PGAP2: variants seen among roughly 807,000 people sequenced by gnomAD.
PGAP2 encodes post-GPI attachment to proteins 2, also known as acyltransferase PGAP2.
A neutral mutation model predicts 33.2 loss-of-function variants in PGAP2; 21 were observed. The ratio of observed to expected loss-of-function variants is 0.63; its 90% CI spans 0.45 to 0.91. The LOEUF (loss-of-function observed/expected upper bound fraction) is 0.91. Among genes scored for constraint, PGAP2 ranks in the 40% least tolerant of loss-of-function variants. The pLI, the probability that PGAP2 is intolerant of heterozygous loss-of-function variation, is 0.00. For synonymous variants in PGAP2, 161 were observed against 172.9 expected, an observed-to-expected ratio of 0.93 and a Z score of 0.54; for missense variants, 345 against 424.0, an observed-to-expected ratio of 0.81 and a Z score of 1.64.
intron 2 of PGAP2, among the ~76,000 whole-genome samples, chr11:3,813,620 A>G (rs1208681926): frequency 2.6e-5 from 4 of 152,108 alleles, no homozygotes; most frequent in African/African-American, 9.7e-5. Context: ...CCTGACCTCA[A>G]GTGATCCTCC....
rs368793106 is a variant in PGAP2, at chr11:3,824,325, C to A, written c.657C>A (p.Leu219=). The part of the protein sequence containing the change: ...VFIASSLGHM[L]LTCILWRLTK... The stretch of plus-strand genomic sequence containing the variant: ...TTGCCTCATCCCTCGGGCACATGCT[C>A]CTCACCTGCATTCTCTGGCGGTTGA... The change falls in exon 5 of 7, where the codon CTC becomes CTA. Residue 219 remains leucine (L), a synonymous_variant. Coordinates refer to ENST00000278243, the MANE Select transcript of PGAP2 (RefSeq NM_014489.4). 1 of 1,614,230 alleles carries A rather than the reference C, an allele frequency of 6.2e-7. No individual in the cohort carries two copies. The highest frequency in any genetic ancestry group is 2.2e-5 in the East Asian group (1 of 44,886).
rs3217617 is a variant in PGAP2, at chr11:3,825,622, TCTC to T, written c.*168_*170del. 0.16 allele frequency: 104,176 copies of T among 658,002 alleles called. 11,192 individuals carry two copies. The highest frequency in any genetic ancestry group is 0.43 in the African/African-American group (23,218 of 54,062). 40.8% of individuals were successfully genotyped at this position (658,002 alleles called of 1,614,324 possible). On this transcript the variant is annotated 3_prime_UTR_variant, in exon 7 of 7. Coordinates refer to ENST00000278243, the MANE Select transcript of PGAP2 (RefSeq NM_014489.4). ...AAGGCTCACCCCAGTGCTGCTGGCT[TCTC>T]CTCTCCACCCCTCATATGGGCGTGG...
chr11:3,825,249 G>A (rs2089822824), intron 6 of PGAP2, 79 bp from the exon 7 acceptor site: 1 of 1,563,602 alleles, frequency 6.4e-7, no homozygotes, highest in African/African-American at 1.4e-5. Context: ...GCAGACCAAT[G>A]GTGGTGTGAT....
At chr11:3,821,219 T>C (rs904440112) in intron 3 of PGAP2, among the ~76,000 whole-genome samples, 3 of 152,232 alleles carry the variant, frequency 2.0e-5, no homozygotes, top group Non-Finnish European at 2.9e-5. Context: ...ACCTGTGGGC[T>C]GCCCTATGAG....
chr11:3,814,080 A>C (rs932297339), intron 2 of PGAP2, among the ~76,000 whole-genome samples: 17 of 152,246 alleles, frequency 1.1e-4, no homozygotes, highest in African/African-American at 4.1e-4. Context: ...TTTCCCACTC[A>C]GAGTATCCCA....
chr11:3,808,098 C>T, upstream of PGAP2: 35 of 1,451,680 alleles, frequency 2.4e-5, no homozygotes, highest in Non-Finnish European at 3.2e-5. Context: ...GTGCTCTTCC[C>T]ATTGCTGAAA....
At chr11:3,802,866 G>A (rs1293167536) in intron 1 of PGAP2, among the ~76,000 whole-genome samples, 1 of 126,622 alleles carries the variant, frequency 7.9e-6, no homozygotes, top group East Asian at 2.2e-4. Context: ...TGGCTCTTTT[G>A]CCTAGGCTGG....
chr11:3,819,563 C>T (rs1344607618), intron 3 of PGAP2, among the ~76,000 whole-genome samples: 1 of 152,066 alleles, frequency 6.6e-6, no homozygotes, highest in Non-Finnish European at 1.5e-5. Context: ...AGGAATGAAT[C>T]TTATGGTGAA....
chr11:3,814,673 A>G (rs2086358279), intron 2 of PGAP2, among the ~76,000 whole-genome samples: 1 of 151,172 alleles, frequency 6.6e-6, no homozygotes, highest in Admixed American at 6.6e-5. Flanking sequence ...TCAGCCTTCC[A>G]GAGTGCTAGG....
At chr11:3,802,707 G>C (rs2083628141) in intron 1 of PGAP2, among the ~76,000 whole-genome samples, 1 of 152,208 alleles carries the variant, frequency 6.6e-6, no homozygotes, top group Non-Finnish European at 1.5e-5. Flanking sequence ...ATTGGAGTCA[G>C]AGCTAAGTTC....
chr11:3,813,227 G>C (rs1485307097), intron 2 of PGAP2, among the ~76,000 whole-genome samples: 1 of 152,150 alleles, frequency 6.6e-6, no homozygotes, highest in Non-Finnish European at 1.5e-5. Context: ...TTTTTTATTT[G>C]TTTTAGAGGC....
At chr11:3,812,602 A>G (rs917300088) in intron 2 of PGAP2, among the ~76,000 whole-genome samples, 4 of 152,180 alleles carry the variant, frequency 2.6e-5, no homozygotes, top group Non-Finnish European at 5.9e-5. Context: ...AAATGAACTT[A>G]ACCTAGGGGC....
At chr11:3,824,766 A>G (rs2089698788) in intron 5 of PGAP2, 2 of 1,417,220 alleles carry the variant, frequency 1.4e-6, no homozygotes, top group Non-Finnish European at 1.8e-6. Context: ...GGGTGACTCC[A>G]TGTAACTTTC....
chr11:3,807,741 G>A (rs547625375), upstream of PGAP2, among the ~76,000 whole-genome samples: 1 of 152,338 alleles, frequency 6.6e-6, no homozygotes, highest in South Asian at 2.1e-4. Context: ...GGCTAACTTA[G>A]AGGTCCTCCA....
Position 3,811,432 on chromosome 11 carries a change from A to G in PGAP2, c.165+8A>G. 1.9e-6 allele frequency: 3 copies of G among 1,612,142 alleles called. No homozygotes were observed. The highest frequency in any genetic ancestry group is 2.5e-6 in the Non-Finnish European group (3 of 1,178,746). On this transcript the variant is annotated splice_region_variant and intron_variant, in intron 2 of 6. Coordinates refer to ENST00000278243, the MANE Select transcript of PGAP2 (RefSeq NM_014489.4). This position sits in a 1 kb window ranked among gnomAD's most constrained non-coding sequence, Gnocchi z 4.6. ...ACGGCCACACACTGTGGGGTAGGGC[A>G]TGGGGACACTGATACCTCATATTCA...
intron 2 of PGAP2, among the ~76,000 whole-genome samples, chr11:3,815,214 C>G (rs2134565689): frequency 6.6e-6 from 1 of 152,186 alleles, no homozygotes; most frequent in South Asian, 2.1e-4. Context: ...TTGGCCCTGG[C>G]TCTGCTTTGC....
rs775162032 is a variant in PGAP2 at position 3,825,056 on chromosome 11, A to G, written c.745A>G (p.Ile249Val). The stretch of plus-strand genomic sequence containing the variant: ...CTACAGCTGGAAACAGCGGCTCTTC[A>G]TCATCAACTTCATCTCCTTCTTCTC... ...KSYSWKQRLF[I>V]INFISFFSAL... The change falls in exon 6 of 7, where the codon ATC (isoleucine) becomes GTC (valine). Residue 249 changes from isoleucine to valine, a missense_variant. By Grantham distance (29) the Ile-to-Val change is conservative. Around this residue, in one of 2 missense-constraint regions of PGAP2, gnomAD observed 311 missense variants for 353.6 expected, o/e 0.88. Transcript: ENST00000278243. 8.7e-6 allele frequency: 14 copies of G among 1,614,032 alleles called. No homozygotes were observed. The East Asian group carries it at 3.1e-4, about 36-fold the overall frequency.
At chr11:3,815,226 G>A (rs1027682663) in intron 2 of PGAP2, among the ~76,000 whole-genome samples, 7 of 151,982 alleles carry the variant, frequency 4.6e-5, no homozygotes, top group African/African-American at 1.5e-4. Flanking sequence ...CTGCTTTGCC[G>A]TAGAACTATT....
At chr11:3,815,366 T>C (rs983990081) in intron 2 of PGAP2, among the ~76,000 whole-genome samples, 5 of 151,552 alleles carry the variant, frequency 3.3e-5, no homozygotes, top group African/African-American at 7.3e-5. Flanking sequence ...TGGAGTGCAA[T>C]GGCACGATCT....
Sources: allele counts gnomAD v4.1 joint callset (sites outside exome capture counted in the v4.1 genomes callset), GRCh38; gene constraint gnomAD v4.1.1; regional missense constraint gnomAD v4.1.1; non-coding constraint Gnocchi (gnomAD v3.1); transcripts MANE v1.5; gene names NCBI Gene and HGNC (gene_info 2026-07-23, HGNC 2026-07-21).